PCM1: variants seen among roughly 807,000 people sequenced by gnomAD.
The protein encoded by PCM1 is pericentriolar material 1.
In PCM1, 157 loss-of-function variants were observed where a neutral mutation model predicts 241.9. The observed-to-expected ratio is 0.65, with a 90% CI of 0.57 to 0.74. The LOEUF (loss-of-function observed/expected upper bound fraction) is 0.74, where lower values mean the gene tolerates loss of function less well. PCM1 is among the 30% of genes least tolerant of loss of function. PCM1 has a pLI of 0.00. For synonymous variants in PCM1, 1,085 were observed against 784.9 expected (o/e 1.38, Z -6.39); for missense variants, 3,478 against 2,360.1 (o/e 1.47, Z -9.81).
chr8:17,956,036 C>T (rs1262213920), intron 10 of PCM1: 2 of 238,232 alleles, frequency 8.4e-6, no homozygotes, highest in Non-Finnish European at 1.6e-5. Context: ...TGTATTTCCT[C>T]ATCTGCAAAA....
chr8:17,939,724 A>T lies in PCM1; in HGVS notation c.646A>T (p.Ile216Phe). ...VSRLVQIRDY[I>F]TKASSMREDL... The stretch of plus-strand genomic sequence containing the variant: ...CAGGCTTGTTCAAATTCGCGATTAT[A>T]TTACTAAAGCTAGTTCCATGCGGGA... The change falls in exon 6 of 39, where the codon ATT becomes TTT. Residue 216 changes from isoleucine (I) to phenylalanine (F), a missense_variant. Ile to Phe is a conservative substitution (Grantham distance 21). Transcript: ENST00000325083. 6.5e-7 allele frequency: 1 copy of T among 1,548,190 alleles called. No homozygotes were observed. The highest frequency in any genetic ancestry group is 8.7e-7 in the Non-Finnish European group (1 of 1,146,264).
At chr8:17,942,945 C>T (rs1200093924) in intron 6 of PCM1, among the ~76,000 whole-genome samples, 2 of 149,796 alleles carry the variant, frequency 1.3e-5, no homozygotes, top group African/African-American at 2.5e-5. Context: ...TGCAGCGAGC[C>T]GAGATCCTGC....
chr8:17,959,225 A>G (rs1252236503), intron 13 of PCM1, among the ~76,000 whole-genome samples: 1 of 151,974 alleles, frequency 6.6e-6, no homozygotes, highest in Non-Finnish European at 1.5e-5. Context: ...CCCACTCCAC[A>G]TTGTCTCAGA....
Position 17,947,239 on chromosome 8 carries a change from A to G in PCM1, c.837A>G (p.Gln279=), listed in dbSNP as rs1376624594. ...PMEEIENLKK[Q]HDLLKRMLQQ... is the part of the protein sequence containing the mutation. ...AAGAGATAGAAAATTTGAAGAAACA[A>G]CATGATTTATTAAAAAGAATGTTAC... Residue 279 remains glutamine (Q), a synonymous_variant, in exon 7 of 39, where the codon CAA becomes CAG. Coordinates refer to ENST00000325083, the MANE Select transcript of PCM1 (RefSeq NM_006197.4). The G allele has an allele frequency of 2.5e-6, 4 of 1,611,664 alleles. No individual in the cohort carries two copies. The highest frequency in any genetic ancestry group is 2.2e-5 in the South Asian group (2 of 90,886).
In PCM1 at chr8:18,010,565, T is replaced by C. The variant is rs528306105; in HGVS notation, c.5161-44T>C. The C allele has an allele frequency of 1.4e-5, 20 of 1,418,762 alleles. No homozygotes were observed. The East Asian group carries it at 3.8e-4, about 27-fold the overall frequency. The allele number at this position is 1,418,762 out of a possible 1,614,324, so 87.9% of individuals were successfully genotyped here. ...GACATGAGAAATGCTAAATTATGTA[T>C]CTAAGTATGTTGCTAAATTCTGTGT... On this transcript the variant is annotated intron_variant, in intron 31 of 38. Transcript: ENST00000325083.
At chr8:17,962,313 T>G (rs2072686062) in intron 16 of PCM1, 139 bp downstream of exon 16, 1 of 460,860 alleles carries the variant, frequency 2.2e-6, no homozygotes, top group Non-Finnish European at 3.7e-6. Flanking sequence ...TGTGCCTTTT[T>G]TAGTAGACAC....
In PCM1 at chr8:17,963,305, A is replaced by G. The variant is rs758186196; in HGVS notation, c.2654+14A>G. ...TAGAACAGAAAAGTAAGAGAGCTGCATAAATCACTTTTCTAAAAATGTCAC... is the reference window on the plus strand; with the variant it reads ...TAGAACAGAAAAGTAAGAGAGCTGCGTAAATCACTTTTCTAAAAATGTCAC... On this transcript the variant is annotated intron_variant, in intron 17 of 38. Transcript: ENST00000325083. 37 of 1,560,056 alleles carry G rather than the reference A, an allele frequency of 2.4e-5. No homozygotes were observed. The African/African-American group carries it at 4.9e-4, about 21-fold the overall frequency.
chr8:17,968,892 G>C (rs2075948130), intron 21 of PCM1, among the ~76,000 whole-genome samples: 1 of 151,720 alleles, frequency 6.6e-6, no homozygotes, highest in Non-Finnish European at 1.5e-5. Flanking sequence ...CACATGAGTA[G>C]ACTTTTAAGT....
intron 23 of PCM1, among the ~76,000 whole-genome samples, chr8:17,974,426 A>G (rs1029652769): frequency 3.3e-5 from 5 of 152,226 alleles, no homozygotes; most frequent in Non-Finnish European, 5.9e-5. Context: ...TGATAGGGCA[A>G]TACTTCATAA....
intron 24 of PCM1, chr8:17,983,373 CT>C (rs1564156437): frequency 1.3e-6 from 1 of 755,200 alleles, no homozygotes; most frequent in Non-Finnish European, 2.0e-6. Context: ...TGATTTTTTT[CT>C]TTTTTAAATT....
Position 17,993,566 on chromosome 8 carries a change from C to G in PCM1, c.4774C>G (p.Gln1592Glu). 1 of 1,597,242 alleles carries G rather than the reference C, an allele frequency of 6.3e-7. No individual in the cohort carries two copies. The highest frequency in any genetic ancestry group is 8.5e-7 in the Non-Finnish European group (1 of 1,170,626). The change falls in exon 29 of 39, where the codon CAG becomes GAG. Residue 1592 changes from glutamine to glutamate, a missense_variant. Gln to Glu is a conservative substitution (Grantham distance 29, BLOSUM62 2). Transcript: ENST00000325083. ...TIPCPRIDTQ[Q>E]LDRQIKAIMK... ...CCCATGTCCTAGAATTGATACTCAG[C>G]AGCTGGACCGGCAAATTAAAGCAAT...
rs564535388 is a variant in PCM1, at chr8:18,008,573, C to CTA, written c.4963-973_4963-972dup. ...CTGGTGCCAGAAAGGTTGGGGACTG[C>CTA]TAATTTATGTGGACAGAGTTTAGAG... On this transcript the variant is annotated intron_variant, in intron 30 of 38. Coordinates refer to ENST00000325083, the MANE Select transcript of PCM1 (RefSeq NM_006197.4). Among the ~76,000 whole-genome samples, 178 of 152,132 alleles carry CTA rather than the reference C, an allele frequency of 1.2e-3. 1 individual carries two copies. Among genetic ancestry groups the CTA allele is most frequent in the South Asian group, 5.4e-3 (26 of 4,804 alleles).
intron 28 of PCM1, among the ~76,000 whole-genome samples, chr8:17,992,096 C>T (rs1231947837): frequency 1.3e-5 from 2 of 151,288 alleles, no homozygotes; most frequent in African/African-American, 4.9e-5. Context: ...ATATATCTGT[C>T]TATCTACACA....
chr8:18,027,832 T>A lies in PCM1; in HGVS notation c.*170T>A. The stretch of plus-strand genomic sequence containing the variant: ...TAGTTTAAAACATCAGAAACTGAAT[T>A]CTGGACAGATTTAAGCCTTGACACA... On this transcript the variant is annotated 3_prime_UTR_variant, in exon 39 of 39. Transcript: ENST00000325083. The A allele has an allele frequency of 2.3e-6, 1 of 434,012 alleles. No homozygotes were observed. The allele number at this position is 434,012 out of a possible 1,614,324, so 26.9% of individuals were successfully genotyped here. A position where few individuals can be genotyped will look rare whatever the true frequency, so the allele number is the denominator to read the frequency against.
chr8:18,013,827 G>T, intron 34 of PCM1, 137 bp from the exon 35 acceptor site: 1 of 609,576 alleles, frequency 1.6e-6, no homozygotes, highest in Non-Finnish European at 2.9e-6. Flanking sequence ...CCGCCTCCTT[G>T]AAATAGTTTT....
rs533355654 is a variant in PCM1, at chr8:17,938,672, T to C, written c.343-68T>C. 1.3e-5 allele frequency: 15 copies of C among 1,126,752 alleles called. No individual in the cohort carries two copies. In the Admixed American group the frequency reaches 2.0e-4, roughly 15 times the overall value. 69.8% of individuals were successfully genotyped at this position (1,126,752 alleles called of 1,614,324 possible). On this transcript the variant is annotated intron_variant, in intron 4 of 38. Coordinates refer to ENST00000325083, the MANE Select transcript of PCM1 (RefSeq NM_006197.4). Reference sequence around the variant, plus strand: ...ATATCTGATGGCGAAACTAAGAACATTGGGGTTAAAACAAAATTTTGTCAT... The same window carrying C: ...ATATCTGATGGCGAAACTAAGAACACTGGGGTTAAAACAAAATTTTGTCAT...
At position 17,967,149 on chromosome 8, in the gene PCM1, A is replaced by G. The variant is rs35041534; in HGVS notation, c.3391A>G (p.Asn1131Asp). ...TCTCTTCAATATACCTGGATTTACT[A>G]ACTTTTCATCATTTGCACCAGGTAG... is the stretch of plus-strand genomic sequence containing the variant. ...VNLFNIPGFTNFSSFAPGMNF... is the reference protein window; with the variant it reads ...VNLFNIPGFTDFSSFAPGMNF... Residue 1131 changes from asparagine (N) to aspartate (D), a missense_variant, in exon 21 of 39, where the codon AAC (asparagine) becomes GAC (aspartate). Transcript: ENST00000325083. The G allele has an allele frequency of 9.4e-6, 15 of 1,595,806 alleles. No individual in the cohort carries two copies. The South Asian group carries it at 1.5e-4, about 16-fold the overall frequency.
At chr8:17,944,455 G>C (rs536675427) in intron 6 of PCM1, among the ~76,000 whole-genome samples, 8 of 152,130 alleles carry the variant, frequency 5.3e-5, no homozygotes, top group Admixed American at 2.0e-4. Flanking sequence ...GAGAACCTCA[G>C]TTGAGTAGAG....
chr8:17,955,642 T>G lies in PCM1; in HGVS notation c.1461T>G (p.Ser487=). 1 of 1,610,926 alleles carries G rather than the reference T, an allele frequency of 6.2e-7. No individual in the cohort carries two copies. The change falls in exon 10 of 39, where the codon TCT becomes TCG. Residue 487 remains serine (S), a synonymous_variant. Transcript: ENST00000325083. ...AAAACGAAGGCCACCTCAATCCATC[T>G]GAAAAACTCCAGTAAAACATTTATA... is the stretch of plus-strand genomic sequence containing the variant. The part of the protein sequence containing the change: ...ESENEGHLNP[S]EKLQKLNEVR...
Sources: allele counts gnomAD v4.1 joint callset (sites outside exome capture counted in the v4.1 genomes callset), GRCh38; gene constraint gnomAD v4.1.1; transcripts MANE v1.5; gene names NCBI Gene and HGNC (gene_info 2026-07-23, HGNC 2026-07-21).